SMAP1: variants seen among roughly 807,000 people sequenced by gnomAD.
The protein encoded by SMAP1 is stromal membrane-associated protein 1.
In SMAP1, 24 loss-of-function variants were observed where a neutral mutation model predicts 58.5. That is an observed-to-expected ratio of 0.41 (90% confidence interval 0.30 to 0.58). The LOEUF is 0.58. Among genes scored for constraint, SMAP1 ranks in the 20% least tolerant of loss-of-function variants. The pLI is 0.29. For synonymous variants in SMAP1, 216 were observed against 196.6 expected, an observed-to-expected ratio of 1.10 and a Z score of -0.82; for missense variants, 563 against 566.3, an observed-to-expected ratio of 0.99 and a Z score of 0.06.
In SMAP1 at chr6:70,667,922, C is replaced by A; in HGVS notation, c.-102C>A. ...GCCGCTGCCGCTTCCTGGGCTGAGT[C>A]CGCCCGCGGTCCCGGCGGCGCCAGG... is the stretch of plus-strand genomic sequence containing the variant. On this transcript the variant is annotated 5_prime_UTR_variant, in exon 1 of 11. Transcript: ENST00000370455. 1 of 995,026 alleles carries A rather than the reference C, an allele frequency of 1.0e-6. No homozygotes were observed. Among genetic ancestry groups the A allele is most frequent in the South Asian group, 1.7e-5 (1 of 60,116 alleles). 61.6% of individuals were successfully genotyped at this position (995,026 alleles called of 1,614,324 possible). A position where few individuals can be genotyped will look rare whatever the true frequency, so the allele number is the denominator to read the frequency against.
At chr6:70,795,564 A>G (rs1233922808) in intron 5 of SMAP1, among the ~76,000 whole-genome samples, 3 of 152,094 alleles carry the variant, frequency 2.0e-5, no homozygotes, top group African/African-American at 7.2e-5. Context: ...CTATTCATGA[A>G]GGTTTCATCC....
Position 70,791,677 on chromosome 6 carries a change from T to C in SMAP1, c.415-12T>C. On this transcript the variant is annotated splice_polypyrimidine_tract_variant and intron_variant, in intron 4 of 10. Coordinates refer to ENST00000370455, the MANE Select transcript of SMAP1 (RefSeq NM_001044305.3). ...GTTTTTTTCCTCCTGACTTTTCACC[T>C]GTACTCCACAGATTTCCTCCTCTGA... is the stretch of plus-strand genomic sequence containing the variant. 2 of 1,609,220 alleles carry C rather than the reference T, an allele frequency of 1.2e-6. No individual in the cohort carries two copies. Among genetic ancestry groups the C allele is most frequent in the Non-Finnish European group, 8.5e-7 (1 of 1,177,384 alleles).
At chr6:70,737,674 C>G (rs1752265044) in intron 2 of SMAP1, among the ~76,000 whole-genome samples, 1 of 152,194 alleles carries the variant, frequency 6.6e-6, no homozygotes, top group South Asian at 2.1e-4. Flanking sequence ...GTGGCTTCCA[C>G]TATGCTAGGA....
intron 2 of SMAP1, among the ~76,000 whole-genome samples, chr6:70,744,462 T>C (rs1451651063): frequency 1.3e-5 from 2 of 152,244 alleles, no homozygotes; most frequent in African/African-American, 4.8e-5. Flanking sequence ...CTGAGAATGA[T>C]GGTGTCCAGC....
Position 70,840,035 on chromosome 6 carries a change from A to G in SMAP1, c.664+3007A>G, listed in dbSNP as rs1298738950. Among the ~76,000 whole-genome samples, 3 of 152,176 alleles carry G rather than the reference A, an allele frequency of 2.0e-5. No homozygotes were observed. The East Asian group carries it at 5.8e-4, about 29-fold the overall frequency. On this transcript the variant is annotated intron_variant, in intron 7 of 10. Coordinates refer to ENST00000370455, the MANE Select transcript of SMAP1 (RefSeq NM_001044305.3). The stretch of plus-strand genomic sequence containing the variant: ...GACCCTGGTTTTCCCCTGTAAATTG[A>G]AACACAGCGGGGATTGGGGGCGTAG...
At chr6:70,835,568 G>A (rs1770546598) in intron 6 of SMAP1, among the ~76,000 whole-genome samples, 1 of 152,160 alleles carries the variant, frequency 6.6e-6, no homozygotes, top group Non-Finnish European at 1.5e-5. Context: ...CTGCGGTAGT[G>A]CAATCATAGC....
intron 1 of SMAP1, among the ~76,000 whole-genome samples, chr6:70,729,351 A>AG (rs1316880021): frequency 6.6e-6 from 1 of 151,696 alleles, no homozygotes; most frequent in Non-Finnish European, 1.5e-5. Flanking sequence ...AGGCAGGAGA[A>AG]TGGCATGAAC....
At chr6:70,691,024 G>T (rs1174181430) in intron 1 of SMAP1, among the ~76,000 whole-genome samples, 1 of 152,002 alleles carries the variant, frequency 6.6e-6, no homozygotes, top group African/African-American at 2.4e-5. Flanking sequence ...TCGATATTAG[G>T]CCATTCAGGT....
intron 1 of SMAP1, among the ~76,000 whole-genome samples, chr6:70,712,792 C>CTTTTTTTTTTTTTTTTTTTTTTTTT (rs200263418): frequency 7.7e-6 from 1 of 130,398 alleles, no homozygotes; most frequent in African/African-American, 2.9e-5. Context: ...TTCTTTTTTT[C>CTTTTTTTTTTTTTTTTTTTTTTTTT]TTTTCTTTTT....
intron 6 of SMAP1, among the ~76,000 whole-genome samples, chr6:70,829,259 G>T (rs893545823): frequency 8.7e-5 from 13 of 149,214 alleles, no homozygotes; most frequent in Non-Finnish European, 7.4e-5. Context: ...TTTTTTCTTT[G>T]TCTTCTTTTT....
At position 70,700,466 on chromosome 6, in the gene SMAP1, T is replaced by C. The variant is rs556943352; in HGVS notation, c.119-31912T>C. ...GGATGTACCACCATGCCTGGCTAAT[T>C]TTTGTGTTTTTAGTAGAGATGGAGT... On this transcript the variant is annotated intron_variant, in intron 1 of 10. Transcript: ENST00000370455. 2.0e-5 allele frequency among the ~76,000 whole-genome samples: 3 copies of C among 152,226 alleles called. No individual in the cohort carries two copies. The South Asian group carries it at 6.2e-4, about 32-fold the overall frequency.
At chr6:70,687,271 A>G (rs1194737627) in intron 1 of SMAP1, among the ~76,000 whole-genome samples, 1 of 152,212 alleles carries the variant, frequency 6.6e-6, no homozygotes, top group East Asian at 1.9e-4. Flanking sequence ...TCATTTTCTT[A>G]AATTTGTGAT....
intron 6 of SMAP1, among the ~76,000 whole-genome samples, chr6:70,801,633 T>C (rs963207931): frequency 2.6e-5 from 4 of 152,098 alleles, no homozygotes; most frequent in African/African-American, 4.8e-5. Context: ...TCTTCTAGAG[T>C]TTTTATGGTT....
chr6:70,765,298 A>G (rs562149815), intron 3 of SMAP1, among the ~76,000 whole-genome samples: 1 of 152,316 alleles, frequency 6.6e-6, no homozygotes, highest in South Asian at 2.1e-4. Flanking sequence ...AAAATGACAT[A>G]TAATGAAACC....
chr6:70,789,518 C>G (rs1182392670), intron 4 of SMAP1, among the ~76,000 whole-genome samples: 1 of 150,908 alleles, frequency 6.6e-6, no homozygotes, highest in Non-Finnish European at 1.5e-5. Flanking sequence ...ATTGACTTTT[C>G]AAATGTCTTT....
chr6:70,713,355 GTTGT>G (rs1305977862), intron 1 of SMAP1, among the ~76,000 whole-genome samples: 4 of 151,662 alleles, frequency 2.6e-5, no homozygotes, highest in Non-Finnish European at 5.9e-5. Context: ...GTATAGTTAG[GTTGT>G]TTATTTTGAG....
intron 3 of SMAP1, among the ~76,000 whole-genome samples, chr6:70,765,251 T>A (rs992778338): frequency 6.6e-6 from 1 of 152,218 alleles, no homozygotes; most frequent in African/African-American, 2.4e-5. Context: ...CCTCACTTAA[T>A]GTCTTTGATA....
At chr6:70,687,612 A>G (rs72921879) in intron 1 of SMAP1, among the ~76,000 whole-genome samples, 1,642 of 152,262 alleles carry the variant, frequency 0.011, 16 homozygotes, top group African/African-American at 0.024. Context: ...CTATGAATCA[A>G]AACATACATA....
In SMAP1 at chr6:70,668,250, C is replaced by T. The variant is rs1431182797; in HGVS notation, c.118+109C>T. The T allele has an allele frequency of 4.8e-6, 5 of 1,046,184 alleles. No individual in the cohort carries two copies. The South Asian group carries it at 4.9e-5, about 10-fold the overall frequency. 64.8% of individuals were successfully genotyped at this position (1,046,184 alleles called of 1,614,324 possible). A position where few individuals can be genotyped will look rare whatever the true frequency, so the allele number is the denominator to read the frequency against. ...CGGACGCCTCGGCTTCGCTGGCCGGCTCCTGCCCTGACTGGAGGGCGGGTG... is the reference window on the plus strand; with the variant it reads ...CGGACGCCTCGGCTTCGCTGGCCGGTTCCTGCCCTGACTGGAGGGCGGGTG... On this transcript the variant is annotated intron_variant, in intron 1 of 10. Coordinates refer to ENST00000370455, the MANE Select transcript of SMAP1 (RefSeq NM_001044305.3).
Sources: gnomAD v4.1 joint callset for allele counts (sites outside exome capture counted in the v4.1 genomes callset) on GRCh38, gnomAD v4.1.1 for gene constraint, MANE v1.5 for transcripts, NCBI Gene and HGNC (gene_info 2026-07-23, HGNC 2026-07-21) for gene names.